Variants in TRAPPC9 observed in about 807,000 individuals in gnomAD.
TRAPPC9 encodes IKK2 binding protein.
Under a neutral mutation model 124.0 loss-of-function variants are expected in TRAPPC9, and 83 were observed. That is an observed-to-expected ratio of 0.67 (90% CI 0.56 to 0.80). The LOEUF (loss-of-function observed/expected upper bound fraction) is 0.80. Ranked by LOEUF, TRAPPC9 falls within the 30% of genes least tolerant of loss-of-function variation. TRAPPC9 has a pLI of 0.00. For synonymous variants in TRAPPC9, 638 were observed against 617.5 expected, an observed-to-expected ratio of 1.03 and a Z score of -0.49; for missense variants, 1,302 against 1,508.3, an observed-to-expected ratio of 0.86 and a Z score of 2.27.
chr8:139,890,278 G>A (rs1037481619), intron 20 of TRAPPC9, among the ~76,000 whole-genome samples: 3 of 152,248 alleles, frequency 2.0e-5, no homozygotes, highest in African/African-American at 7.2e-5. Context: ...ACGGGCATCT[G>A]GCCATTCGTG....
intron 21 of TRAPPC9, among the ~76,000 whole-genome samples, chr8:139,882,010 G>A (rs1486341974): frequency 6.6e-6 from 1 of 152,206 alleles, no homozygotes; most frequent in Admixed American, 6.5e-5. Flanking sequence ...GGTGGGCAAG[G>A]GGGTGGTGAG....
At chr8:140,352,338 C>T (rs1012937240) in intron 9 of TRAPPC9, among the ~76,000 whole-genome samples, 10 of 152,212 alleles carry the variant, frequency 6.6e-5, no homozygotes, top group Non-Finnish European at 1.0e-4. Context: ...TAAAGCATGA[C>T]AGCAGCTATG....
At chr8:139,943,806 G>A (rs1228261718) in intron 19 of TRAPPC9, among the ~76,000 whole-genome samples, 2 of 152,100 alleles carry the variant, frequency 1.3e-5, no homozygotes, top group African/African-American at 4.8e-5. Flanking sequence ...AAGTGATGGA[G>A]GAAAGAATCA....
At chr8:139,988,432 G>A (rs1385629487) in intron 19 of TRAPPC9, among the ~76,000 whole-genome samples, 2 of 152,030 alleles carry the variant, frequency 1.3e-5, no homozygotes, top group Admixed American at 1.3e-4. Flanking sequence ...ACTTTCTCAA[G>A]AATTTAACAG....
intron 17 of TRAPPC9, among the ~76,000 whole-genome samples, chr8:140,064,221 T>C (rs1415476935): frequency 2.6e-5 from 4 of 152,040 alleles, no homozygotes; most frequent in Non-Finnish European, 5.9e-5. Flanking sequence ...ATATGAAAAA[T>C]AGCATTGTGT....
intron 18 of TRAPPC9, among the ~76,000 whole-genome samples, chr8:140,014,213 G>T (rs992964469): frequency 6.6e-6 from 1 of 152,124 alleles, no homozygotes; most frequent in Non-Finnish European, 1.5e-5. Context: ...GAGTAGAAAT[G>T]TCTAAGAGTG....
At chr8:139,997,116 A>G (rs1334332631) in intron 18 of TRAPPC9, among the ~76,000 whole-genome samples, 1 of 152,232 alleles carries the variant, frequency 6.6e-6, no homozygotes, top group Non-Finnish European at 1.5e-5. Context: ...AACAGAAGCC[A>G]TCTGGAAAGC....
At chr8:139,991,237 AT>A (rs1837621804) in intron 18 of TRAPPC9, among the ~76,000 whole-genome samples, 1 of 152,198 alleles carries the variant, frequency 6.6e-6, no homozygotes, top group African/African-American at 2.4e-5. Context: ...GTTCAAATAT[AT>A]TTTGTTTTCA....
chr8:140,446,853 CTG>C (rs918494910), intron 2 of TRAPPC9, among the ~76,000 whole-genome samples: 3 of 152,266 alleles, frequency 2.0e-5, no homozygotes, highest in African/African-American at 7.2e-5. Flanking sequence ...TTAGAATGGC[CTG>C]TGTCTCCTTT....
At chr8:140,185,761 T>C (rs1308190300) in intron 17 of TRAPPC9, among the ~76,000 whole-genome samples, 1 of 152,224 alleles carries the variant, frequency 6.6e-6, no homozygotes, top group East Asian at 1.9e-4. Flanking sequence ...AACCCGGCAT[T>C]ATTTCGCAGC....
chr8:140,454,927 A>T (rs1374900370), intron 1 of TRAPPC9, among the ~76,000 whole-genome samples: 1 of 150,078 alleles, frequency 6.7e-6, no homozygotes, highest in African/African-American at 2.5e-5. Flanking sequence ...GTGACAAAGT[A>T]AGACTCTTTA....
intron 17 of TRAPPC9, among the ~76,000 whole-genome samples, chr8:140,106,127 C>T (rs2060659356): frequency 1.3e-5 from 2 of 152,044 alleles, no homozygotes; most frequent in Admixed American, 1.3e-4. Flanking sequence ...TCAGCTCAAC[C>T]TTCAGAACAA....
chr8:140,295,736 C>A (rs1457930060), intron 11 of TRAPPC9, among the ~76,000 whole-genome samples: 2 of 152,274 alleles, frequency 1.3e-5, no homozygotes, highest in East Asian at 3.9e-4. Flanking sequence ...GATGATACCT[C>A]CCCCAATTAT....
chr8:140,332,672 T>C (rs1425979630), intron 9 of TRAPPC9, among the ~76,000 whole-genome samples: 3 of 152,158 alleles, frequency 2.0e-5, no homozygotes, highest in Non-Finnish European at 4.4e-5. Context: ...TATTAGAATC[T>C]GCACATCTAA....
At chr8:140,454,152 G>A (rs1211152544) in intron 1 of TRAPPC9, among the ~76,000 whole-genome samples, 7 of 151,866 alleles carry the variant, frequency 4.6e-5, no homozygotes. Flanking sequence ...AGCCAGGAGT[G>A]GTAGCACACA....
chr8:139,895,878 G>A (rs1587129513), intron 20 of TRAPPC9, among the ~76,000 whole-genome samples: 1 of 152,154 alleles, frequency 6.6e-6, no homozygotes, highest in Non-Finnish European at 1.5e-5. Context: ...CCAGGCTTTG[G>A]AGGCAGGCAG....
intron 17 of TRAPPC9, among the ~76,000 whole-genome samples, chr8:140,173,265 T>A (rs1237595491): frequency 6.6e-6 from 1 of 152,104 alleles, no homozygotes; most frequent in Non-Finnish European, 1.5e-5. Context: ...ATTAAAGACA[T>A]CTTCTGTGGC....
At chr8:139,974,877 G>A (rs1836338780) in intron 19 of TRAPPC9, among the ~76,000 whole-genome samples, 1 of 152,038 alleles carries the variant, frequency 6.6e-6, no homozygotes, top group Non-Finnish European at 1.5e-5. Context: ...TCTCCGCCTT[G>A]TTCCCCAGGG....
intron 5 of TRAPPC9, among the ~76,000 whole-genome samples, chr8:140,407,704 C>G (rs1319679726): frequency 6.6e-6 from 1 of 152,142 alleles, no homozygotes; most frequent in African/African-American, 2.4e-5. Context: ...GCTACAACCC[C>G]CCTCCTCGCT....
Sources: gnomAD v4.1 joint callset for allele counts (sites outside exome capture counted in the v4.1 genomes callset) on GRCh38, gnomAD v4.1.1 for gene constraint, MANE v1.5 for transcripts, NCBI Gene and HGNC (gene_info 2026-07-23, HGNC 2026-07-21) for gene names.